Variants in ZNF318 observed in about 807,000 individuals in gnomAD.
ZNF318 encodes endocrine regulator.
Under a neutral mutation model 124.2 loss-of-function variants are expected in ZNF318, and 51 were observed. The ratio of observed to expected loss-of-function variants is 0.41; its 90% CI spans 0.33 to 0.52. The LOEUF is 0.52. Among genes scored for constraint, ZNF318 ranks in the 20% least tolerant of loss-of-function variants. The pLI is 0.23. For synonymous variants in ZNF318, 1,090 were observed against 1,040.7 expected, an observed-to-expected ratio of 1.05 and a Z score of -0.91; for missense variants, 2,815 against 2,811.2, an observed-to-expected ratio of 1.00 and a Z score of -0.03.
chr6:43,345,836 G>C (rs1368921502), intron 6 of ZNF318, among the ~76,000 whole-genome samples: 1 of 152,148 alleles, frequency 6.6e-6, no homozygotes, highest in East Asian at 1.9e-4. Context: ...GCCAGGTGGG[G>C]TGGCTCACAT....
chr6:43,368,460 G>A (rs1479196361), intron 1 of ZNF318, among the ~76,000 whole-genome samples: 1 of 152,248 alleles, frequency 6.6e-6, no homozygotes, highest in African/African-American at 2.4e-5. Context: ...ACTTCATTCC[G>A]AAGCAGCAGC....
intron 2 of ZNF318, chr6:43,363,748 G>T (rs1007213830): frequency 8.0e-6 from 5 of 621,314 alleles, no homozygotes; most frequent in Non-Finnish European, 1.1e-5. Flanking sequence ...GATTATGCCA[G>T]TGCAGAAGCA....
At chr6:43,364,668 A>T (rs1779735808) in intron 2 of ZNF318, among the ~76,000 whole-genome samples, 1 of 152,336 alleles carries the variant, frequency 6.6e-6, no homozygotes, top group Non-Finnish European at 1.5e-5. Flanking sequence ...GTGATTATTT[A>T]CAATCTATAT....
chr6:43,367,066 G>C (rs1442999006), intron 1 of ZNF318, among the ~76,000 whole-genome samples: 3 of 152,170 alleles, frequency 2.0e-5, no homozygotes, highest in African/African-American at 7.2e-5. Context: ...TAGCCAACAT[G>C]GTCTCGATCT....
chr6:43,351,631 C>T (rs1779525368), intron 5 of ZNF318, among the ~76,000 whole-genome samples: 1 of 151,864 alleles, frequency 6.6e-6, no homozygotes, highest in Admixed American at 6.6e-5. Flanking sequence ...TGTGGTGGCA[C>T]ACACCTGTAA....
chr6:43,360,165 A>G (rs1427649534), intron 2 of ZNF318, among the ~76,000 whole-genome samples: 2 of 152,260 alleles, frequency 1.3e-5, no homozygotes, highest in African/African-American at 2.4e-5. Context: ...TACTAGCCCA[A>G]GGTCTAAACC....
Position 43,369,306 on chromosome 6 carries a change from C to T in ZNF318, c.60G>A (p.Gly20=). ...AGCTGCGGCCGCTGCGCGGGCCGCCCCCGCCGTCGTCTTTAGGCCGGTGGG... is the reference window on the plus strand; with the variant it reads ...AGCTGCGGCCGCTGCGCGGGCCGCCTCCGCCGTCGTCTTTAGGCCGGTGGG... ...VSSHRPKDDG[G]GGPRSGRSSG... is the part of the protein sequence containing the mutation. The change falls in exon 1 of 10, where the codon GGG becomes GGA. Residue 20 remains glycine, a synonymous_variant. Coordinates refer to ENST00000361428, the MANE Select transcript of ZNF318 (RefSeq NM_014345.3). The T allele has an allele frequency of 7.4e-7, 1 of 1,346,626 alleles. No individual in the cohort carries two copies. The highest frequency in any genetic ancestry group is 9.6e-7 in the Non-Finnish European group (1 of 1,042,050). 83.4% of individuals were successfully genotyped at this position (1,346,626 alleles called of 1,614,324 possible).
chr6:43,352,258 A>AGAGTACCTGAGAAATC, intron 5 of ZNF318, 119 bp downstream of exon 5: 1 of 742,334 alleles, frequency 1.3e-6, no homozygotes. Context: ...TGTAAGTTTA[A>AGAGTACCTGAGAAATC]TTACGTCAAA....
chr6:43,368,751 G>T, intron 1 of ZNF318: 1 of 985,484 alleles, frequency 1.0e-6, no homozygotes, highest in Non-Finnish European at 1.2e-6. Flanking sequence ...AACGGAGCGC[G>T]CACTCCCGAC....
Position 43,337,716 on chromosome 6 carries a change from G to T in ZNF318, c.6282C>A (p.Pro2094=), listed in dbSNP as rs545480627. Residue 2094 remains proline, a synonymous_variant, in exon 10 of 10, where the codon CCC becomes CCA. Transcript: ENST00000361428. The part of the protein sequence containing the change: ...ETEGERNSPN[P]RSVRIPSPNI... ...TAGGAGAAGGGATCCTAACACTCCTGGGATTAGGTGAGTTTCGTTCACCCT... is the reference window on the plus strand; with the variant it reads ...TAGGAGAAGGGATCCTAACACTCCTTGGATTAGGTGAGTTTCGTTCACCCT... 6.2e-7 allele frequency: 1 copy of T among 1,614,144 alleles called. No homozygotes were observed. Among genetic ancestry groups the T allele is most frequent in the South Asian group, 1.1e-5 (1 of 91,082 alleles).
intron 1 of ZNF318, among the ~76,000 whole-genome samples, chr6:43,367,932 G>A (rs1779783071): frequency 6.6e-6 from 1 of 152,220 alleles, no homozygotes; most frequent in Non-Finnish European, 1.5e-5. Flanking sequence ...GGCTGAGGCG[G>A]GAGGATTGAT....
At position 43,357,566 on chromosome 6, in the gene ZNF318, T is replaced by A. The variant is rs774289754; in HGVS notation, c.748A>T (p.Thr250Ser). ...TTGAGTTTTTCTCGATTCCGTTCTG[T>A]TCCCCGCAACAGCTCATCATGACAA... Reference protein sequence around the residue: ...ISCHDELLRGTERNREKLKGY... With the variant: ...ISCHDELLRGSERNREKLKGY... The change falls in exon 3 of 10, where the codon ACA becomes TCA. Residue 250 changes from threonine (T) to serine (S), a missense_variant. Transcript: ENST00000361428. 3.7e-6 allele frequency: 6 copies of A among 1,614,010 alleles called. No homozygotes were observed. The highest frequency in any genetic ancestry group is 5.1e-6 in the Non-Finnish European group (6 of 1,180,022).
At chr6:43,364,153 C>T (rs985645759) in intron 2 of ZNF318, 2 of 995,240 alleles carry the variant, frequency 2.0e-6, no homozygotes, top group African/African-American at 1.6e-5. Context: ...TCTCTAAGAC[C>T]TACAGCTACC....
intron 5 of ZNF318, 86 bp downstream of exon 5, chr6:43,352,291 A>G: frequency 2.7e-6 from 2 of 745,972 alleles, no homozygotes; most frequent in East Asian, 8.8e-5. Flanking sequence ...ATGAAGTTTC[A>G]GGTTACTGAA....
chr6:43,340,986 C>T (rs1581639362), intron 8 of ZNF318, 78 bp from the exon 9 acceptor site: 1 of 1,054,826 alleles, frequency 9.5e-7, no homozygotes, highest in East Asian at 2.4e-5. Context: ...ATCCCACCAC[C>T]CCTTTGCAGT....
intron 5 of ZNF318, 119 bp downstream of exon 5, chr6:43,352,258 A>AGAGTACATGAGAATTCT: frequency 4.0e-6 from 3 of 742,330 alleles, no homozygotes; most frequent in Non-Finnish European, 6.7e-6. Context: ...TGTAAGTTTA[A>AGAGTACATGAGAATTCT]TTACGTCAAA....
Position 43,338,547 on chromosome 6 carries a change from G to A in ZNF318, c.5451C>T (p.Tyr1817=), listed in dbSNP as rs1562127654. Residue 1817 remains tyrosine (Y), a synonymous_variant, in exon 10 of 10, where the codon TAC becomes TAT. Transcript: ENST00000361428. ...DDSNLNHGNR[Y]MWEGEVKQPN... is the part of the protein sequence containing the mutation. ...GCTGTTTTACTTCTCCCTCCCACAT[G>A]TATCTGTTTCCATGGTTCAAATTAG... The A allele has an allele frequency of 1.9e-6, 3 of 1,614,160 alleles. No individual in the cohort carries two copies. The highest frequency in any genetic ancestry group is 2.5e-6 in the Non-Finnish European group (3 of 1,180,026).
At chr6:43,360,186 A>G (rs1779661927) in intron 2 of ZNF318, among the ~76,000 whole-genome samples, 1 of 152,256 alleles carries the variant, frequency 6.6e-6, no homozygotes, top group South Asian at 2.1e-4. Context: ...AGTACTAACT[A>G]TCAAGAAGCT....
chr6:43,354,571 G>A (rs983517757), intron 4 of ZNF318, 93 bp downstream of exon 4: 3 of 1,187,994 alleles, frequency 2.5e-6, no homozygotes, highest in South Asian at 1.5e-5. Context: ...AAGTGAAAGA[G>A]CCTTACAAAT....
Sources: gnomAD v4.1 joint callset for allele counts (sites outside exome capture counted in the v4.1 genomes callset) on GRCh38, gnomAD v4.1.1 for gene constraint, MANE v1.5 for transcripts, NCBI Gene and HGNC (gene_info 2026-07-23, HGNC 2026-07-21) for gene names.